The following LATS2 variants were observed in gnomAD, a reference collection of about 807,000 sequenced individuals.
LATS2 encodes the protein large tumor suppressor kinase 2, also known as serine/threonine-protein kinase LATS2.
In LATS2, 24 loss-of-function variants were observed where a neutral mutation model predicts 76.0. The ratio of observed to expected loss-of-function variants is 0.32; its 90% confidence interval spans 0.23 to 0.44. The LOEUF (loss-of-function observed/expected upper bound fraction) is 0.44. LATS2 is among the 20% of genes least tolerant of loss of function. The probability of loss-of-function intolerance (pLI) is 1.00; values close to 1 mark genes in which losing one functional copy is unlikely to be tolerated. For synonymous variants in LATS2, 692 were observed against 635.4 expected (o/e 1.09, Z -1.34); for missense variants, 1,286 against 1,481.2 (o/e 0.87, Z 2.16).
Position 20,991,667 on chromosome 13 carries a change from C to G in LATS2, c.343-263G>C, listed in dbSNP as rs1194772995. ...GACATATGGGAATTTTGATGATGGG[C>G]CTGAAAGAGACTTAAATTCTGCTTC... On this transcript the variant is annotated intron_variant, in intron 2 of 7. Transcript: ENST00000382592. The surrounding 1 kb of genome is among the most constrained non-coding windows in gnomAD (Gnocchi z 4.9). 6.6e-6 allele frequency among the ~76,000 whole-genome samples: 1 copy of G among 152,158 alleles called. No homozygotes were observed. Among genetic ancestry groups the G allele is most frequent in the Non-Finnish European group, 1.5e-5 (1 of 68,036 alleles).
chr13:21,060,732 C>G (rs1386955231), intron 1 of LATS2, among the ~76,000 whole-genome samples: 2 of 151,338 alleles, frequency 1.3e-5, no homozygotes, highest in African/African-American at 2.4e-5. Context: ...TCCGTCGGCT[C>G]GCGGGACGAC....
At chr13:21,006,061 C>T (rs1023846878) in intron 2 of LATS2, among the ~76,000 whole-genome samples, 4 of 151,936 alleles carry the variant, frequency 2.6e-5, no homozygotes, top group Non-Finnish European at 4.4e-5. Context: ...CGCTGGAACC[C>T]GGAAGGCAGA....
chr13:20,982,246 A>G (rs569959015), intron 5 of LATS2, among the ~76,000 whole-genome samples: 1 of 152,256 alleles, frequency 6.6e-6, no homozygotes, highest in Admixed American at 6.5e-5. Context: ...ATGGAGTTCA[A>G]TGATACACTA....
At chr13:21,019,485 C>G (rs1428650252) in intron 2 of LATS2, among the ~76,000 whole-genome samples, 1 of 130,792 alleles carries the variant, frequency 7.6e-6, no homozygotes, top group African/African-American at 3.1e-5. Flanking sequence ...CGCCACCACG[C>G]CCAGCTAATT....
rs1170336833 is a variant in LATS2, at chr13:20,988,630, G to A, written c.1150C>T (p.Pro384Ser). The change falls in exon 4 of 8, where the codon CCG (proline) becomes TCG (serine). Residue 384 changes from proline (P) to serine (S), a missense_variant. Physicochemically the swap from Pro to Ser is moderately conservative, Grantham distance 74. This residue lies in a region of LATS2 where 710 missense variants were observed against 660.9 expected (regional missense o/e 1.07). Transcript: ENST00000382592. ...GCGCGCGGCGGCGCCTCCAGGCCCG[G>A]CTTCTGCAGGGAGTCCCGGCGGGCC... ...TLARRDSLQK[P>S]GLEAPPRAHV... The A allele has an allele frequency of 2.5e-6, 4 of 1,587,358 alleles. No individual in the cohort carries two copies. The highest frequency in any genetic ancestry group is 1.4e-5 in the African/African-American group (1 of 74,016).
chr13:21,030,839 G>T (rs572881454), intron 2 of LATS2, among the ~76,000 whole-genome samples: 23 of 152,104 alleles, frequency 1.5e-4, no homozygotes, highest in African/African-American at 5.3e-4. Flanking sequence ...ATTCCTTCCT[G>T]TATATCCTTT....
At chr13:21,019,265 A>C (rs1025063637) in intron 2 of LATS2, among the ~76,000 whole-genome samples, 1 of 151,432 alleles carries the variant, frequency 6.6e-6, no homozygotes. Flanking sequence ...TGAACTGTAC[A>C]TATTAAATCA....
In LATS2 at chr13:20,988,389, G is replaced by C; in HGVS notation, c.1391C>G (p.Ala464Gly). ...PQTAVGPSHP[A>G]WVPAPAPAPA... The stretch of plus-strand genomic sequence containing the variant: ...GGCCGGGGCAGGCGCGGGCACCCAG[G>C]CGGGGTGCGAGGGCCCCACAGCCGT... The change falls in exon 4 of 8, where the codon GCC becomes GGC. Residue 464 changes from alanine to glycine, a missense_variant. Transcript: ENST00000382592. 1 of 1,378,640 alleles carries C rather than the reference G, an allele frequency of 7.3e-7. No individual in the cohort carries two copies. The highest frequency in any genetic ancestry group is 9.3e-7 in the Non-Finnish European group (1 of 1,076,120). 85.4% of individuals were successfully genotyped at this position (1,378,640 alleles called of 1,614,324 possible).
intron 2 of LATS2, among the ~76,000 whole-genome samples, chr13:21,035,915 G>C (rs189579427): frequency 1.1e-4 from 17 of 151,950 alleles, no homozygotes; most frequent in Non-Finnish European, 1.9e-4. Context: ...CCCTTTTTTC[G>C]GGGAACAGAG....
intron 4 of LATS2, among the ~76,000 whole-genome samples, chr13:20,985,584 C>G (rs919715008): frequency 6.7e-5 from 10 of 150,206 alleles, no homozygotes; most frequent in African/African-American, 9.8e-5. Context: ...ACTAAACATA[C>G]AAAAATTAGC....
chr13:21,007,545 G>GTGTA (rs1491394458), intron 2 of LATS2, among the ~76,000 whole-genome samples: 5 of 3,608 alleles, frequency 1.4e-3, no homozygotes, highest in Non-Finnish European at 1.9e-3. Context: ...TATATATATA[G>GTGTA]TATATATATA....
At chr13:21,023,529 G>A (rs965837690) in intron 2 of LATS2, among the ~76,000 whole-genome samples, 1 of 151,244 alleles carries the variant, frequency 6.6e-6, no homozygotes, top group Non-Finnish European at 1.5e-5. Flanking sequence ...GACTCTCCAC[G>A]CTGCCGGAGA....
At chr13:21,035,799 C>T (rs1872667673) in intron 2 of LATS2, among the ~76,000 whole-genome samples, 1 of 152,198 alleles carries the variant, frequency 6.6e-6, no homozygotes, top group African/African-American at 2.4e-5. Context: ...AACACCACAG[C>T]ACGCAAGTAG....
intron 2 of LATS2, among the ~76,000 whole-genome samples, chr13:20,994,594 T>C (rs577443424): frequency 6.6e-5 from 10 of 152,120 alleles, no homozygotes; most frequent in Non-Finnish European, 1.5e-4. Context: ...CTTCCTTTCT[T>C]AAGCATGTAT....
chr13:21,008,781 C>T (rs9552325), intron 2 of LATS2, among the ~76,000 whole-genome samples: 8,870 of 152,112 alleles, frequency 0.058, 500 homozygotes, highest in East Asian at 0.3. Flanking sequence ...AATATTTTGA[C>T]CATATCTAGT....
At position 20,988,731 on chromosome 13, in the gene LATS2, G is replaced by C; in HGVS notation, c.1049C>G (p.Pro350Arg). 1 of 1,569,118 alleles carries C rather than the reference G, an allele frequency of 6.4e-7. No individual in the cohort carries two copies. The highest frequency in any genetic ancestry group is 8.6e-7 in the Non-Finnish European group (1 of 1,164,542). ...GTCCACGTTGAGGCTGTTCCGCGAGGGAGTGAGCAGGCTCTGCGGGGGGCT... is the reference window on the plus strand; with the variant it reads ...GTCCACGTTGAGGCTGTTCCGCGAGCGAGTGAGCAGGCTCTGCGGGGGGCT... ...SDSPPQSLLT[P>R]SRNSLNVDLY... Residue 350 changes from proline (P) to arginine (R), a missense_variant, in exon 4 of 8, where the codon CCC (proline) becomes CGC (arginine). Around this residue, in one of 5 missense-constraint regions of LATS2, gnomAD observed 710 missense variants for 660.9 expected, o/e 1.07. Coordinates refer to ENST00000382592, the MANE Select transcript of LATS2 (RefSeq NM_014572.3).
intron 1 of LATS2, among the ~76,000 whole-genome samples, chr13:21,060,639 G>T (rs1419209654): frequency 6.6e-6 from 1 of 151,742 alleles, no homozygotes; most frequent in African/African-American, 2.4e-5. Flanking sequence ...GGAACGGGGT[G>T]GGAACCGCGC....
Position 20,991,164 on chromosome 13 carries a change from G to A in LATS2, c.475+108C>T. On this transcript the variant is annotated intron_variant, in intron 3 of 7. Coordinates refer to ENST00000382592, the MANE Select transcript of LATS2 (RefSeq NM_014572.3). This position sits in a 1 kb window ranked among gnomAD's most constrained non-coding sequence, Gnocchi z 4.9. ...TTAACTGAATGAGGCAATGTGCCAG[G>A]AGACTGGCTCTGGCCAGGCCAGGCC... 3 of 1,345,460 alleles carry A rather than the reference G, an allele frequency of 2.2e-6. No homozygotes were observed. Among genetic ancestry groups the A allele is most frequent in the Non-Finnish European group, 3.1e-6 (3 of 963,426 alleles). 83.3% of individuals were successfully genotyped at this position (1,345,460 alleles called of 1,614,324 possible). A position where few individuals can be genotyped will look rare whatever the true frequency, so the allele number is the denominator to read the frequency against.
At chr13:21,019,668 CAA>C (rs1281059777) in intron 2 of LATS2, among the ~76,000 whole-genome samples, 23,161 of 86,810 alleles carry the variant, frequency 0.27, 2,614 homozygotes, top group Middle Eastern at 0.29. Context: ...TTTAATCTCT[CAA>C]AAAAAAAAAA....
Sources: gnomAD v4.1 joint callset for allele counts (sites outside exome capture counted in the v4.1 genomes callset) on GRCh38, gnomAD v4.1.1 for gene constraint, gnomAD v4.1.1 regional missense constraint, Gnocchi (gnomAD v3.1) non-coding constraint, MANE v1.5 for transcripts, NCBI Gene and HGNC (gene_info 2026-07-23, HGNC 2026-07-21) for gene names.